The following FARS2 variants were observed in gnomAD, a reference collection of about 807,000 sequenced individuals.
FARS2 encodes the protein phenylalanine--tRNA ligase, mitochondrial.
A neutral mutation model predicts 46.4 loss-of-function variants in FARS2; 40 were observed. That is an observed-to-expected ratio of 0.86 (90% CI 0.67 to 1.12). The LOEUF (loss-of-function observed/expected upper bound fraction) is 1.12. Among genes scored for constraint, FARS2 ranks in the 50% most tolerant of loss-of-function variants. The pLI is 0.00. For missense variants in FARS2, 513 were observed against 567.9 expected (o/e 0.90, Z 0.98); for synonymous variants, 234 against 214.9 (o/e 1.09, Z -0.78).
intron 4 of FARS2, among the ~76,000 whole-genome samples, chr6:5,489,029 A>G (rs1283962204): frequency 6.6e-6 from 1 of 152,182 alleles, no homozygotes; most frequent in Non-Finnish European, 1.5e-5. Context: ...GGGGTAGGCA[A>G]TCCACAAGGA....
In FARS2 at chr6:5,633,262, CTTTTTTTTTTTTTT is replaced by C. The variant is rs59797062; in HGVS notation, c.1217+19960_1217+19973del. On this transcript the variant is annotated intron_variant, in intron 6 of 6. Coordinates refer to ENST00000274680, the MANE Select transcript of FARS2 (RefSeq NM_006567.5). ...TACAGGTACATGCCACCATCCCTGG[CTTTTTTTTTTTTTT>C]TTTTTTTTTTTTTTTTTGTGACAGA... Among the ~76,000 whole-genome samples, 180 of 50,102 alleles carry C rather than the reference CTTTTTTTTTTTTTT, an allele frequency of 3.6e-3. 1 individual carries two copies. The East Asian group carries it at 0.039, about 11-fold the overall frequency. 32.9% of individuals were successfully genotyped at this position (50,102 alleles called of 152,430 possible).
intron 1 of FARS2, among the ~76,000 whole-genome samples, chr6:5,331,103 TAAAAA>T (rs11362298): frequency 1.5e-5 from 2 of 132,914 alleles, no homozygotes; most frequent in African/African-American, 5.6e-5. Context: ...AAACTCCGTT[TAAAAA>T]AAAAAAAAAA....
At chr6:5,742,939 A>T (rs1294848520) in intron 6 of FARS2, among the ~76,000 whole-genome samples, 1 of 151,874 alleles carries the variant, frequency 6.6e-6, no homozygotes, top group Non-Finnish European at 1.5e-5. Context: ...AGTACTCCTG[A>T]GAGAATGTGT....
intron 4 of FARS2, among the ~76,000 whole-genome samples, chr6:5,501,196 G>T (rs1365324551): frequency 1.3e-5 from 2 of 152,006 alleles, no homozygotes; most frequent in Non-Finnish European, 2.9e-5. Flanking sequence ...AGTAGTATCG[G>T]TATACCTCAG....
In FARS2 at chr6:5,521,031, C is replaced by T. The variant is rs138944435; in HGVS notation, c.905-24149C>T. On this transcript the variant is annotated intron_variant, in intron 4 of 6. Coordinates refer to ENST00000274680, the MANE Select transcript of FARS2 (RefSeq NM_006567.5). The stretch of plus-strand genomic sequence containing the variant: ...CTGCCTCTTTCCTGATAAAATCGCA[C>T]TACAGATGAGCTCTGGTTCTTAGAA... Among the ~76,000 whole-genome samples the T allele has an allele frequency of 3.4e-3, 522 of 152,284 alleles. 2 individuals are homozygous for T. Among genetic ancestry groups the T allele is most frequent in the African/African-American group, 0.012 (502 of 41,560 alleles).
intron 6 of FARS2, among the ~76,000 whole-genome samples, chr6:5,633,262 C>CTTTTTTTTTTTTT (rs59797062): frequency 2.0e-5 from 1 of 50,048 alleles, no homozygotes; most frequent in Non-Finnish European, 3.7e-5. Flanking sequence ...CCATCCCTGG[C>CTTTTTTTTTTTTT]TTTTTTTTTT....
intron 4 of FARS2, among the ~76,000 whole-genome samples, chr6:5,470,346 T>A (rs1765744412): frequency 6.6e-6 from 1 of 152,230 alleles, no homozygotes; most frequent in Non-Finnish European, 1.5e-5. Flanking sequence ...GCGCATAGAT[T>A]ATATGCAAAT....
At chr6:5,314,534 G>A (rs1769311357) in intron 1 of FARS2, among the ~76,000 whole-genome samples, 1 of 152,198 alleles carries the variant, frequency 6.6e-6, no homozygotes, top group Non-Finnish European at 1.5e-5. Context: ...TGTTTGCTGA[G>A]CACTTACCTT....
intron 6 of FARS2, among the ~76,000 whole-genome samples, chr6:5,681,751 A>C (rs770858517): frequency 2.6e-5 from 4 of 152,120 alleles, no homozygotes; most frequent in African/African-American, 9.7e-5. Context: ...GCCTTTGTTG[A>C]AGTCTTCTCA....
At chr6:5,717,300 G>A (rs1472254585) in intron 6 of FARS2, among the ~76,000 whole-genome samples, 2 of 152,014 alleles carry the variant, frequency 1.3e-5, no homozygotes, top group Non-Finnish European at 2.9e-5. Flanking sequence ...CTGTAACAAA[G>A]GTCGTGGGAG....
intron 5 of FARS2, chr6:5,609,810 GTTCAAAATAATCTC>G (rs1267468844): frequency 1.5e-5 from 18 of 1,223,404 alleles, no homozygotes; most frequent in East Asian, 9.3e-5. Context: ...TTTCCAAACT[GTTCAAAATAATCTC>G]TTCAAAATAA....
chr6:5,759,002 G>A (rs1043086698), intron 6 of FARS2, among the ~76,000 whole-genome samples: 1 of 152,128 alleles, frequency 6.6e-6, no homozygotes, highest in South Asian at 2.1e-4. Context: ...ATCTAAGCCA[G>A]GAGGCCCTGA....
chr6:5,340,587 T>C (rs2127590927), intron 1 of FARS2, among the ~76,000 whole-genome samples: 1 of 152,336 alleles, frequency 6.6e-6, no homozygotes, highest in African/African-American at 2.4e-5. Flanking sequence ...TTAGCCTACG[T>C]TTTCCTAATA....
rs138190318 is a variant in FARS2 at position 5,670,446 on chromosome 6, C to G, written c.1217+57126C>G. On this transcript the variant is annotated intron_variant, in intron 6 of 6. Transcript: ENST00000274680. ...AGCTTCTAGAGAGTAGAAACCATGT[C>G]CTGTTGTTCTTTATGCTTATAGTAC... 4.7e-3 allele frequency among the ~76,000 whole-genome samples: 713 copies of G among 152,294 alleles called. 3 individuals carry two copies. The highest frequency in any genetic ancestry group is 8.1e-3 in the Non-Finnish European group (548 of 68,034).
intron 3 of FARS2, among the ~76,000 whole-genome samples, chr6:5,422,571 C>G (rs1173699037): frequency 6.6e-6 from 1 of 152,198 alleles, no homozygotes; most frequent in Non-Finnish European, 1.5e-5. Context: ...CATTTACTCT[C>G]TACTGTAAAC....
chr6:5,298,015 A>G (rs937939339), intron 1 of FARS2, among the ~76,000 whole-genome samples: 4 of 152,276 alleles, frequency 2.6e-5, no homozygotes, highest in African/African-American at 9.6e-5. Context: ...TCGATGGTAA[A>G]CACTGAGGAC....
chr6:5,279,574 GTA>G (rs138587263), intron 1 of FARS2, among the ~76,000 whole-genome samples: 4,338 of 147,400 alleles, frequency 0.029, 205 homozygotes, highest in African/African-American at 0.1. Context: ...GTGTGTGTGT[GTA>G]TATATATATA....
At chr6:5,651,309 G>A (rs543876712) in intron 6 of FARS2, among the ~76,000 whole-genome samples, 1 of 152,286 alleles carries the variant, frequency 6.6e-6, no homozygotes, top group East Asian at 1.9e-4. Flanking sequence ...TCTTGAAGTA[G>A]GGCTAACACA....
chr6:5,493,338 T>C (rs1369310326), intron 4 of FARS2, among the ~76,000 whole-genome samples: 3 of 152,192 alleles, frequency 2.0e-5, no homozygotes, highest in Non-Finnish European at 1.5e-5. Flanking sequence ...ACTTAGAATT[T>C]AACATTCTAG....
Sources: allele counts gnomAD v4.1 joint callset (sites outside exome capture counted in the v4.1 genomes callset), GRCh38; gene constraint gnomAD v4.1.1; transcripts MANE v1.5; gene names NCBI Gene and HGNC (gene_info 2026-07-23, HGNC 2026-07-21).